Variants in LOXL1 observed in about 807,000 individuals in gnomAD.
The protein encoded by LOXL1 is lysyl oxidase homolog 1.
LOXL1 carries 31 observed loss-of-function variants against 62.2 expected under a neutral mutation model. The ratio of observed to expected loss-of-function variants is 0.50; its 90% confidence interval spans 0.37 to 0.67. LOXL1 has a LOEUF of 0.67. Ranked by LOEUF, LOXL1 falls within the 30% of genes least tolerant of loss-of-function variation. LOXL1 has a pLI of 0.00. For synonymous variants in LOXL1, 403 were observed against 384.4 expected, an observed-to-expected ratio of 1.05 and a Z score of -0.56; for missense variants, 775 against 843.4, an observed-to-expected ratio of 0.92 and a Z score of 1.00.
chr15:73,947,356 A>C (rs1595849064), intron 4 of LOXL1, 133 bp downstream of exon 4: 8 of 963,128 alleles, frequency 8.3e-6, no homozygotes, highest in Non-Finnish European at 1.2e-5. Context: ...AGGTCTTCTC[A>C]CCAGTCCTCA....
intron 2 of LOXL1, among the ~76,000 whole-genome samples, chr15:73,944,789 GA>G (rs1178011882): frequency 6.6e-6 from 1 of 152,204 alleles, no homozygotes; most frequent in Non-Finnish European, 1.5e-5. Context: ...TGAACAGAGG[GA>G]AGGAGGATGT....
Position 73,945,710 on chromosome 15 carries a change from ACTTTTTTTTTT to A in LOXL1, c.1212-697_1212-687del, listed in dbSNP as rs1273040789. Among the ~76,000 whole-genome samples the A allele has an allele frequency of 1.3e-5, 2 of 151,366 alleles. No individual in the cohort carries two copies. The highest frequency in any genetic ancestry group is 2.9e-5 in the Non-Finnish European group (2 of 67,798). Reference sequence around the variant, plus strand: ...GACTTATCAGAATCTCCTGGATAGGACTTTTTTTTTTCTTTTTTTTAGAAAGGGGGTCTCAC... The same window carrying A: ...GACTTATCAGAATCTCCTGGATAGGACTTTTTTTTAGAAAGGGGGTCTCAC... On this transcript the variant is annotated intron_variant, in intron 2 of 6. Coordinates refer to ENST00000261921, the MANE Select transcript of LOXL1 (RefSeq NM_005576.4). This position sits in a 1 kb window ranked among gnomAD's most constrained non-coding sequence, Gnocchi z 4.3.
intron 2 of LOXL1, among the ~76,000 whole-genome samples, chr15:73,946,113 C>T (rs1466799756): frequency 3.3e-5 from 5 of 152,182 alleles, no homozygotes; most frequent in Non-Finnish European, 7.3e-5. Flanking sequence ...AGCTGAGTCA[C>T]CTGCAGGTAT....
chr15:73,928,622 A>C lies in LOXL1; in HGVS notation c.1102+737A>C, dbSNP rs1253566953. On this transcript the variant is annotated intron_variant, in intron 1 of 6. Coordinates refer to ENST00000261921, the MANE Select transcript of LOXL1 (RefSeq NM_005576.4). ...AATGCAAAAAAAAAAAAAAAAAAAA[A>C]AAACCTGTGATAAAGGAAATATCCA... Among the ~76,000 whole-genome samples, 6 of 127,698 alleles carry C rather than the reference A, an allele frequency of 4.7e-5. No individual in the cohort carries two copies. The East Asian group carries it at 1.7e-3, about 36-fold the overall frequency. 83.8% of individuals were successfully genotyped at this position (127,698 alleles called of 152,430 possible). A position where few individuals can be genotyped will look rare whatever the true frequency, so the allele number is the denominator to read the frequency against.
At chr15:73,951,544 A>G (rs2068787149) in intron 6 of LOXL1, among the ~76,000 whole-genome samples, 1 of 152,118 alleles carries the variant, frequency 6.6e-6, no homozygotes, top group Non-Finnish European at 1.5e-5. Context: ...AAAAAACAAG[A>G]AAGTATTTCC....
Position 73,947,049 on chromosome 15 carries a change from T to C in LOXL1, c.1350-18T>C, listed in dbSNP as rs2068752391. On this transcript the variant is annotated intron_variant, in intron 3 of 6. Coordinates refer to ENST00000261921, the MANE Select transcript of LOXL1 (RefSeq NM_005576.4). Reference sequence around the variant, plus strand: ...AAGACTAGGCCCTCTTCTTTCTCCTTCTCTCCTCTGCCCCTAGGCATTACC... The same window carrying C: ...AAGACTAGGCCCTCTTCTTTCTCCTCCTCTCCTCTGCCCCTAGGCATTACC... The C allele has an allele frequency of 3.2e-6, 5 of 1,574,612 alleles. No homozygotes were observed. In the South Asian group the frequency reaches 5.7e-5, roughly 18 times the overall value.
chr15:73,938,460 C>T (rs558318696), intron 1 of LOXL1, among the ~76,000 whole-genome samples: 9 of 151,908 alleles, frequency 5.9e-5, no homozygotes, highest in African/African-American at 1.9e-4. Context: ...CCCATAACCT[C>T]AGCACTTTGG....
chr15:73,928,955 C>T (rs908064996), intron 1 of LOXL1, among the ~76,000 whole-genome samples: 4 of 152,084 alleles, frequency 2.6e-5, no homozygotes, highest in Non-Finnish European at 5.9e-5. Context: ...GGACAGGACT[C>T]CCTCTGGCTT....
chr15:73,947,276 G>A, intron 4 of LOXL1, 53 bp downstream of exon 4: 2 of 1,545,570 alleles, frequency 1.3e-6, no homozygotes, highest in East Asian at 2.3e-5. Context: ...AGTTGGGGAG[G>A]CAAAGAGCGA....
chr15:73,927,418 T>G lies in LOXL1; in HGVS notation c.635T>G (p.Val212Gly). 1 of 1,522,978 alleles carries G rather than the reference T, an allele frequency of 6.6e-7. No homozygotes were observed. The highest frequency in any genetic ancestry group is 1.2e-5 in the South Asian group (1 of 80,804). The allele number at this position is 1,522,978 out of a possible 1,614,324, so 94.3% of individuals were successfully genotyped here. Residue 212 changes from valine to glycine, a missense_variant, in exon 1 of 7, where the codon GTG becomes GGG. Transcript: ENST00000261921. The part of the protein sequence containing the change: ...FVYYRPAGGG[V>G]GAGAAAVASA... ...TACTACCGGCCCGCGGGCGGCGGCGTGGGCGCGGGGGCGGCGGCCGTGGCC... is the reference window on the plus strand; with the variant it reads ...TACTACCGGCCCGCGGGCGGCGGCGGGGGCGCGGGGGCGGCGGCCGTGGCC...
At chr15:73,940,357 G>A (rs1306565218) in intron 1 of LOXL1, among the ~76,000 whole-genome samples, 1 of 151,956 alleles carries the variant, frequency 6.6e-6, no homozygotes, top group Non-Finnish European at 1.5e-5. Flanking sequence ...TTCTCCACAT[G>A]CAGTACTCTA....
chr15:73,942,841 C>T lies in LOXL1; in HGVS notation c.1103-13C>T. 1 of 1,565,162 alleles carries T rather than the reference C, an allele frequency of 6.4e-7. No homozygotes were observed. The highest frequency in any genetic ancestry group is 8.8e-7 in the Non-Finnish European group (1 of 1,135,342). ...TTCCTCCCTCCCCCCTTCTCTCCCA[C>T]TGCCCACTCCAGGTCTCCCTGACTT... On this transcript the variant is annotated splice_polypyrimidine_tract_variant and intron_variant, in intron 1 of 6. Transcript: ENST00000261921.
chr15:73,947,371 G>A (rs748862120), intron 4 of LOXL1, 148 bp downstream of exon 4: 6 of 789,076 alleles, frequency 7.6e-6, no homozygotes, highest in Non-Finnish European at 1.2e-5. Flanking sequence ...TCCTCAGGCT[G>A]CCACACTGCC....
chr15:73,948,409 A>C (rs1263909242), intron 5 of LOXL1, among the ~76,000 whole-genome samples: 1 of 152,184 alleles, frequency 6.6e-6, no homozygotes, highest in Non-Finnish European at 1.5e-5. Flanking sequence ...AAAGTAGAAA[A>C]GCATATTAAC....
chr15:73,932,915 TC>T (rs1381821746), intron 1 of LOXL1, among the ~76,000 whole-genome samples: 3 of 152,280 alleles, frequency 2.0e-5, no homozygotes, highest in Non-Finnish European at 4.4e-5. Flanking sequence ...TTCTGGGCCC[TC>T]CTCCTGCCTC....
At chr15:73,934,530 C>T (rs528352625) in intron 1 of LOXL1, among the ~76,000 whole-genome samples, 1 of 152,196 alleles carries the variant, frequency 6.6e-6, no homozygotes, top group African/African-American at 2.4e-5. Flanking sequence ...ATACCACTCA[C>T]CCCTGCCCTC....
Position 73,926,477 on chromosome 15 carries a change from G to T in LOXL1, c.-307G>T. The T allele has an allele frequency of 3.3e-6, 1 of 307,436 alleles. No individual in the cohort carries two copies. The allele number at this position is 307,436 out of a possible 1,614,324, so 19.0% of individuals were successfully genotyped here. On this transcript the variant is annotated 5_prime_UTR_variant, in exon 1 of 7. Coordinates refer to ENST00000261921, the MANE Select transcript of LOXL1 (RefSeq NM_005576.4). ...TTGCTTATTCATTCAGAGTGGGAAAGCGCCAGCCGAGCGGCCAGCCAGTGC... is the reference window on the plus strand; with the variant it reads ...TTGCTTATTCATTCAGAGTGGGAAATCGCCAGCCGAGCGGCCAGCCAGTGC...
chr15:73,943,224 T>A (rs1355698386), intron 2 of LOXL1, among the ~76,000 whole-genome samples: 3 of 152,212 alleles, frequency 2.0e-5, no homozygotes, highest in African/African-American at 7.2e-5. Flanking sequence ...ACTGTGGCAC[T>A]TCATCTTTAT....
chr15:73,947,169 C>G lies in LOXL1; in HGVS notation c.1452C>G (p.Asp484Glu). The G allele has an allele frequency of 6.2e-7, 1 of 1,613,616 alleles. No homozygotes were observed. The highest frequency in any genetic ancestry group is 1.3e-5 in the African/African-American group (1 of 75,070). Residue 484 changes from aspartate (D) to glutamate (E), a missense_variant, in exon 4 of 7, where the codon GAC becomes GAG. Coordinates refer to ENST00000261921, the MANE Select transcript of LOXL1 (RefSeq NM_005576.4). ...ACAAGGCCAGTTTCTGCCTGGAGGA[C>G]AGCACCTGTGACTTCGGCAACCTCA... ...EGHKASFCLEDSTCDFGNLKR... is the reference protein window; with the variant it reads ...EGHKASFCLEESTCDFGNLKR...
Sources: gnomAD v4.1 joint callset for allele counts (sites outside exome capture counted in the v4.1 genomes callset) on GRCh38, gnomAD v4.1.1 for gene constraint, Gnocchi (gnomAD v3.1) non-coding constraint, MANE v1.5 for transcripts, NCBI Gene and HGNC (gene_info 2026-07-23, HGNC 2026-07-21) for gene names.